Variants in PRDM9 observed in about 807,000 individuals in gnomAD.
PRDM9 encodes the protein PR/SET domain 9, also known as histone-lysine N-methyltransferase PRDM9.
In PRDM9, 47 loss-of-function variants were observed where a neutral mutation model predicts 55.6. The observed-to-expected ratio is 0.85, with a 90% CI of 0.67 to 1.08. The LOEUF (loss-of-function observed/expected upper bound fraction) is 1.08, where lower values mean the gene tolerates loss of function less well. PRDM9 is among the 50% of genes least tolerant of loss of function. The pLI, the probability that PRDM9 is intolerant of heterozygous loss-of-function variation, is 0.00. For missense variants in PRDM9, 867 were observed against 1,040.3 expected, an observed-to-expected ratio of 0.83 and a Z score of 2.29; for synonymous variants, 312 against 375.7, an observed-to-expected ratio of 0.83 and a Z score of 1.96.
At chr5:23,523,143 G>T in intron 8 of PRDM9, 148 bp from the exon 9 acceptor site, 1 of 1,103,832 alleles carries the variant, frequency 9.1e-7, no homozygotes, top group East Asian at 2.5e-5. Context: ...CAGATGTGTA[G>T]ATAGATGATG....
At chr5:23,522,498 A>G in intron 7 of PRDM9, 93 bp downstream of exon 7, 1 of 1,584,394 alleles carries the variant, frequency 6.3e-7, no homozygotes, top group Non-Finnish European at 8.7e-7. Flanking sequence ...CCTTACTCTA[A>G]TGAATTAGAG....
At chr5:23,512,269 A>G (rs1486087017) in intron 4 of PRDM9, among the ~76,000 whole-genome samples, 3 of 152,204 alleles carry the variant, frequency 2.0e-5, no homozygotes, top group Non-Finnish European at 4.4e-5. Context: ...GTCACTGACC[A>G]GAGACAGCAT....
Position 23,527,326 on chromosome 5 carries a change from G to A in PRDM9, c.2238G>A (p.Lys746=), listed in dbSNP as rs373073794. 94 of 1,539,938 alleles carry A rather than the reference G, an allele frequency of 6.1e-5. No individual in the cohort carries two copies. Among genetic ancestry groups the A allele is most frequent in the Admixed American group, 1.9e-4 (10 of 53,824 alleles). ...ACCAGAGGACACACACAGGGGAGAAGCCCTATGTCTGCAGGGAGTGTGGGC... is the reference window on the plus strand; with the variant it reads ...ACCAGAGGACACACACAGGGGAGAAACCCTATGTCTGCAGGGAGTGTGGGC... The part of the protein sequence containing the change: ...LRHQRTHTGE[K]PYVCRECGRG... Residue 746 remains lysine, a synonymous_variant, in exon 11 of 11, where the codon AAG becomes AAA. Coordinates refer to ENST00000296682, the MANE Select transcript of PRDM9 (RefSeq NM_020227.4).
At position 23,520,871 on chromosome 5, in the gene PRDM9, T is replaced by G. The variant is rs966690318; in HGVS notation, c.352-152T>G. ...TAGAGTCCCAGATTCACTACTCACT[T>G]AGACCTTCTCTTTTCCCTCTAGTAT... On this transcript the variant is annotated intron_variant, in intron 5 of 10. Coordinates refer to ENST00000296682, the MANE Select transcript of PRDM9 (RefSeq NM_020227.4). The G allele has an allele frequency of 2.6e-5, 23 of 895,038 alleles. No homozygotes were observed. In the South Asian group the frequency reaches 2.7e-4, roughly 10 times the overall value. The allele number at this position is 895,038 out of a possible 1,614,324, so 55.4% of individuals were successfully genotyped here. A position where few individuals can be genotyped will look rare whatever the true frequency, so the allele number is the denominator to read the frequency against.
chr5:23,527,979 G>A lies in PRDM9; in HGVS notation c.*206G>A. On this transcript the variant is annotated 3_prime_UTR_variant, in exon 11 of 11. Coordinates refer to ENST00000296682, the MANE Select transcript of PRDM9 (RefSeq NM_020227.4). The stretch of plus-strand genomic sequence containing the variant: ...ATGAGGAAGAACAAGGGATAGTTCT[G>A]TAAGTGTTCGGGGGACATCAGCATG... 1 of 727,008 alleles carries A rather than the reference G, an allele frequency of 1.4e-6. No homozygotes were observed. Among genetic ancestry groups the A allele is most frequent in the Non-Finnish European group, 2.3e-6 (1 of 437,698 alleles). 45.0% of individuals were successfully genotyped at this position (727,008 alleles called of 1,614,324 possible).
intron 2 of PRDM9, 62 bp from the exon 3 acceptor site, chr5:23,509,408 A>T (rs769213777): frequency 3.7e-5 from 60 of 1,613,178 alleles, no homozygotes; most frequent in Non-Finnish European, 4.9e-5. Context: ...CACAGGGTAG[A>T]GGAAAAGGAC....
In PRDM9 at chr5:23,526,368, C is replaced by T. The variant is rs754835809; in HGVS notation, c.1280C>T (p.Pro427Leu). The change falls in exon 11 of 11, where the codon CCA becomes CTA. Residue 427 changes from proline to leucine, a missense_variant. Pro to Leu is a moderately conservative substitution (Grantham distance 98, BLOSUM62 -3). Transcript: ENST00000296682. ...PGPSARKLLQ[P>L]ENPCPGDQNQ... is the part of the protein sequence containing the mutation. ...CCATCTGCAAGAAAACTCCTCCAAC[C>T]AGAGAATCCCTGCCCAGGGGATCAG... The T allele has an allele frequency of 3.7e-6, 6 of 1,614,192 alleles. No individual in the cohort carries two copies. In the Admixed American group the frequency reaches 5.0e-5, roughly 13 times the overall value.
intron 4 of PRDM9, among the ~76,000 whole-genome samples, chr5:23,515,752 C>A (rs1739197884): frequency 6.6e-6 from 1 of 152,146 alleles, no homozygotes; most frequent in Admixed American, 6.5e-5. Context: ...TTCCCAACAC[C>A]ATTTCTTGCA....
chr5:23,513,040 G>C (rs1467548611), intron 4 of PRDM9, among the ~76,000 whole-genome samples: 2 of 152,148 alleles, frequency 1.3e-5, no homozygotes, highest in Non-Finnish European at 2.9e-5. Context: ...ATGGATATTA[G>C]GTTGCTTCAC....
chr5:23,526,331 A>C lies in PRDM9; in HGVS notation c.1243A>C (p.Asn415His), dbSNP rs747208610. Reference protein sequence around the residue: ...QHVERNHSSQNFPGPSARKLL... With the variant: ...QHVERNHSSQHFPGPSARKLL... ...TGTAGAACGCAATCACTCCTCTCAG[A>C]ACTTCCCAGGACCATCTGCAAGAAA... Residue 415 changes from asparagine to histidine, a missense_variant, in exon 11 of 11, where the codon AAC becomes CAC. Coordinates refer to ENST00000296682, the MANE Select transcript of PRDM9 (RefSeq NM_020227.4). 1.2e-6 allele frequency: 2 copies of C among 1,614,200 alleles called. No homozygotes were observed. Among genetic ancestry groups the C allele is most frequent in the Non-Finnish European group, 1.7e-6 (2 of 1,180,038 alleles).
intron 9 of PRDM9, 149 bp downstream of exon 9, chr5:23,523,507 T>A: frequency 1.3e-6 from 1 of 757,306 alleles, no homozygotes; most frequent in South Asian, 1.8e-5. Context: ...CCATCAACAT[T>A]TAGAAATAAT....
Position 23,526,945 on chromosome 5 carries a change from G to C in PRDM9, c.1857G>C (p.Arg619=). Residue 619 remains arginine (R), a synonymous_variant, in exon 11 of 11, where the codon CGG becomes CGC. Transcript: ENST00000296682. ...GGGAGTGTGGGCGGGGCTTTAGCCG[G>C]CAGTCAGTCCTCCTCACTCACCAGA... ...VCRECGRGFS[R]QSVLLTHQRR... The C allele has an allele frequency of 6.6e-7, 1 of 1,525,682 alleles. No homozygotes were observed. Among genetic ancestry groups the C allele is most frequent in the South Asian group, 1.2e-5 (1 of 85,406 alleles). The allele number at this position is 1,525,682 out of a possible 1,614,324, so 94.5% of individuals were successfully genotyped here. A position where few individuals can be genotyped will look rare whatever the true frequency, so the allele number is the denominator to read the frequency against.
At chr5:23,524,236 A>T (rs1739387917) in intron 9 of PRDM9, 98 bp from the exon 10 acceptor site, 19 of 1,473,908 alleles carry the variant, frequency 1.3e-5, no homozygotes, top group African/African-American at 2.8e-5. Context: ...TCAGCACTAG[A>T]CCATGGAGGC....
rs1198601050 is a variant in PRDM9 at position 23,521,142 on chromosome 5, A to G, written c.471A>G (p.Glu157=). The stretch of plus-strand genomic sequence containing the variant: ...AGAAACCAGTGTCCCCTTCTGGAGA[A>G]GCAAGTACCTCTGGACAGCACTCAA... The part of the protein sequence containing the change: ...QAQKPVSPSG[E]ASTSGQHSRL... Residue 157 remains glutamate (E), a synonymous_variant, in exon 6 of 11, where the codon GAA becomes GAG. Transcript: ENST00000296682. 1 of 1,613,872 alleles carries G rather than the reference A, an allele frequency of 6.2e-7. No individual in the cohort carries two copies. Among genetic ancestry groups the G allele is most frequent in the Non-Finnish European group, 8.5e-7 (1 of 1,180,038 alleles).
chr5:23,523,017 T>A (rs750687411), intron 8 of PRDM9, 132 bp downstream of exon 8: 3 of 1,504,944 alleles, frequency 2.0e-6, no homozygotes. Context: ...CAAGGTTCTT[T>A]GCATGAACAC....
Position 23,527,528 on chromosome 5 carries a change from A to AGCCG in PRDM9, c.2442_2443insCGGC (p.Asn815ArgfsTer3), listed in dbSNP as rs1739490208. On this transcript the variant is annotated frameshift_variant, in exon 11 of 11. Transcript: ENST00000296682. LOFTEE classifies it low-confidence loss of function (END_TRUNC). ...CTGCAGGGAGTGTGGGCGGGGCTTT[A>AGCCG]GCAATAAGTCACACCTCCTCAGACA... The AGCCG allele has an allele frequency of 6.6e-7, 1 of 1,512,136 alleles. No homozygotes were observed. The highest frequency in any genetic ancestry group is 2.3e-5 in the African/African-American group (1 of 43,656). The allele number at this position is 1,512,136 out of a possible 1,614,324, so 93.7% of individuals were successfully genotyped here. A position where few individuals can be genotyped will look rare whatever the true frequency, so the allele number is the denominator to read the frequency against.
At position 23,507,662 on chromosome 5, in the gene PRDM9, G is replaced by C. The variant is rs1739010277; in HGVS notation, c.-135G>C. 1.3e-5 allele frequency: 2 copies of C among 152,336 alleles called. No individual in the cohort carries two copies. The highest frequency in any genetic ancestry group is 6.5e-5 in the Admixed American group (1 of 15,278). The allele number at this position is 152,336 out of a possible 1,614,324, so 9.4% of individuals were successfully genotyped here. A position where few individuals can be genotyped will look rare whatever the true frequency, so the allele number is the denominator to read the frequency against. On this transcript the variant is annotated 5_prime_UTR_variant, in exon 1 of 11. Coordinates refer to ENST00000296682, the MANE Select transcript of PRDM9 (RefSeq NM_020227.4). ...GGTGAACGCCGCGGCAGGAGAGCAC[G>C]GGAGATTGTGAAGAGCATGGGGAGC...
Position 23,521,005 on chromosome 5 carries a change from G to A in PRDM9, c.352-18G>A. On this transcript the variant is annotated intron_variant, in intron 5 of 10. Transcript: ENST00000296682. Reference sequence around the variant, plus strand: ...AGAAATTCGTGTTGTCTTTTAATATGTGACTCTCACATTAAAGGGAATGCC... The same window carrying A: ...AGAAATTCGTGTTGTCTTTTAATATATGACTCTCACATTAAAGGGAATGCC... 6.2e-7 allele frequency: 1 copy of A among 1,613,710 alleles called. No individual in the cohort carries two copies. The highest frequency in any genetic ancestry group is 8.5e-7 in the Non-Finnish European group (1 of 1,179,640).
At chr5:23,524,227 C>A in intron 9 of PRDM9, 107 bp from the exon 10 acceptor site, 3 of 1,435,324 alleles carry the variant, frequency 2.1e-6, no homozygotes, top group South Asian at 2.3e-5. Flanking sequence ...GGGGAGTGGT[C>A]AGCACTAGAC....
Sources: allele counts gnomAD v4.1 joint callset (sites outside exome capture counted in the v4.1 genomes callset), GRCh38; gene constraint gnomAD v4.1.1; transcripts MANE v1.5; gene names NCBI Gene and HGNC (gene_info 2026-07-23, HGNC 2026-07-21).